Variants in PTER observed in about 807,000 individuals in gnomAD.
PTER encodes phosphotriesterase related.
A neutral mutation model predicts 29.6 loss-of-function variants in PTER; 38 were observed. The observed-to-expected ratio is 1.28, with a 90% confidence interval of 0.99 to 1.68. The LOEUF is 1.68. PTER is among the 40% of genes most tolerant of loss of function. The probability of loss-of-function intolerance (pLI) is 0.00; values close to 1 mark genes in which losing one functional copy is unlikely to be tolerated. For missense variants in PTER, 482 were observed against 427.8 expected (o/e 1.13, Z -1.12); for synonymous variants, 172 against 154.5 (o/e 1.11, Z -0.84).
At chr10:16,478,333 C>T (rs2133435460) in intron 1 of PTER, among the ~76,000 whole-genome samples, 1 of 133,122 alleles carries the variant, frequency 7.5e-6, no homozygotes, top group South Asian at 2.6e-4. Context: ...TCCCTCGTTT[C>T]CGTTTTTTTT....
At chr10:16,485,589 T>A (rs781306398) in intron 2 of PTER, among the ~76,000 whole-genome samples, 14 of 152,202 alleles carry the variant, frequency 9.2e-5, no homozygotes, top group Non-Finnish European at 1.9e-4. Context: ...TATTTCAAAA[T>A]TTTTTCTGCA....
chr10:16,487,680 G>A (rs1835754687), intron 3 of PTER, among the ~76,000 whole-genome samples: 1 of 152,152 alleles, frequency 6.6e-6, no homozygotes, highest in Admixed American at 6.5e-5. Context: ...GCCAGCTGCT[G>A]TTAATTTTAT....
intron 4 of PTER, among the ~76,000 whole-genome samples, chr10:16,508,133 A>T (rs1836657252): frequency 6.8e-6 from 1 of 147,086 alleles, no homozygotes; most frequent in South Asian, 2.1e-4. Context: ...CAGTGGCGCA[A>T]TCTCACCTCA....
At position 16,512,177 on chromosome 10, in the gene PTER, A is replaced by T. The variant is rs531545346; in HGVS notation, c.*921A>T. On this transcript the variant is annotated 3_prime_UTR_variant, in exon 5 of 5. Coordinates refer to ENST00000535784, the MANE Select transcript of PTER (RefSeq NM_001261836.2). ...CTTATGTATCTGAAGAAAAGGTCAG[A>T]TCTATTGGAAATGACAGCCCGATAC... is the stretch of plus-strand genomic sequence containing the variant. The T allele has an allele frequency of 6.6e-6, 1 of 152,316 alleles. No homozygotes were observed. The highest frequency in any genetic ancestry group is 2.1e-4 in the South Asian group (1 of 4,834). 9.4% of individuals were successfully genotyped at this position (152,316 alleles called of 1,614,324 possible). A position where few individuals can be genotyped will look rare whatever the true frequency, so the allele number is the denominator to read the frequency against.
chr10:16,508,586 C>A (rs894250162), intron 4 of PTER, among the ~76,000 whole-genome samples: 1 of 152,098 alleles, frequency 6.6e-6, no homozygotes, highest in African/African-American at 2.4e-5. Context: ...CCCAGCATTC[C>A]TTCTTAGCTC....
rs1418653139 is a variant in PTER at position 16,513,561 on chromosome 10, A to G, written c.*2305A>G. 1.3e-5 allele frequency: 2 copies of G among 152,506 alleles called. No homozygotes were observed. The highest frequency in any genetic ancestry group is 4.8e-5 in the African/African-American group (2 of 41,440). 9.4% of individuals were successfully genotyped at this position (152,506 alleles called of 1,614,324 possible). A position where few individuals can be genotyped will look rare whatever the true frequency, so the allele number is the denominator to read the frequency against. ...ATGCGAAATTGTTAATTTTAAAATA[A>G]CCTCAGGCCACAGACTTGTAGTAAT... On this transcript the variant is annotated 3_prime_UTR_variant, in exon 5 of 5. Coordinates refer to ENST00000535784, the MANE Select transcript of PTER (RefSeq NM_001261836.2).
intron 1 of PTER, among the ~76,000 whole-genome samples, chr10:16,479,590 CA>C (rs1835402556): frequency 6.6e-6 from 1 of 152,182 alleles, no homozygotes; most frequent in East Asian, 1.9e-4. Flanking sequence ...TGTAACACTT[CA>C]AAAAATAGAA....
At chr10:16,492,558 A>T (rs1485186558) in intron 3 of PTER, among the ~76,000 whole-genome samples, 1 of 152,204 alleles carries the variant, frequency 6.6e-6, no homozygotes, top group Admixed American at 6.5e-5. Context: ...AGGTATTTTT[A>T]TGACGACAAA....
chr10:16,506,555 A>T (rs901518154), intron 4 of PTER, among the ~76,000 whole-genome samples: 1 of 152,210 alleles, frequency 6.6e-6, no homozygotes, highest in Non-Finnish European at 1.5e-5. Context: ...GATAAGAAAT[A>T]TAGAGCAAGG....
intron 1 of PTER, among the ~76,000 whole-genome samples, chr10:16,456,054 C>T (rs1343509883): frequency 2.6e-5 from 4 of 152,178 alleles, no homozygotes; most frequent in Non-Finnish European, 5.9e-5. Context: ...TGTGATTTGC[C>T]ATAACCAAGA....
chr10:16,455,626 A>T (rs998706980), intron 1 of PTER, among the ~76,000 whole-genome samples: 1 of 152,088 alleles, frequency 6.6e-6, no homozygotes, highest in African/African-American at 2.4e-5. Flanking sequence ...GGGAGGCTGA[A>T]GCTGCAGTGA....
intron 3 of PTER, among the ~76,000 whole-genome samples, chr10:16,502,963 T>TGGGCGAC (rs1474101082): frequency 1.2e-4 from 14 of 112,638 alleles, no homozygotes; most frequent in African/African-American, 4.8e-4. Context: ...CACTCCAGCC[T>TGGGCGAC]GGGCGACAGA....
chr10:16,494,493 C>T lies in PTER; in HGVS notation c.698+7876C>T, dbSNP rs548382198. Among the ~76,000 whole-genome samples the T allele has an allele frequency of 5.3e-5, 8 of 152,284 alleles. No homozygotes were observed. The South Asian group carries it at 1.7e-3, about 32-fold the overall frequency. On this transcript the variant is annotated intron_variant, in intron 3 of 4. Transcript: ENST00000535784. ...TAGCATACTGAATTATTTTATTTTTCATTCCCAGTTATTCTCCAATATCAA... is the reference window on the plus strand; with the variant it reads ...TAGCATACTGAATTATTTTATTTTTTATTCCCAGTTATTCTCCAATATCAA...
chr10:16,470,371 CTG>C (rs1835000930), intron 1 of PTER, among the ~76,000 whole-genome samples: 1 of 152,226 alleles, frequency 6.6e-6, no homozygotes, highest in African/African-American at 2.4e-5. Flanking sequence ...TAGACCTTAC[CTG>C]CCTCGAATAA....
chr10:16,510,520 C>T (rs1836771021), intron 4 of PTER, among the ~76,000 whole-genome samples: 2 of 152,204 alleles, frequency 1.3e-5, no homozygotes, highest in South Asian at 2.1e-4. Flanking sequence ...AAATGCCCCT[C>T]ACTTGCAGAC....
intron 1 of PTER, among the ~76,000 whole-genome samples, chr10:16,484,058 G>A (rs1411022759): frequency 6.6e-6 from 1 of 152,116 alleles, no homozygotes; most frequent in Non-Finnish European, 1.5e-5. Context: ...AAAGTGAACT[G>A]AATATCAAAG....
chr10:16,492,896 A>T lies in PTER; in HGVS notation c.698+6279A>T, dbSNP rs556984646. On this transcript the variant is annotated intron_variant, in intron 3 of 4. Coordinates refer to ENST00000535784, the MANE Select transcript of PTER (RefSeq NM_001261836.2). ...AGGGAAACATTTAGGGAACTGGCCGACAGCACATTTTATTCCCTTTGCCTC... is the reference window on the plus strand; with the variant it reads ...AGGGAAACATTTAGGGAACTGGCCGTCAGCACATTTTATTCCCTTTGCCTC... Among the ~76,000 whole-genome samples, 3 of 152,348 alleles carry T rather than the reference A, an allele frequency of 2.0e-5. No homozygotes were observed. In the East Asian group the frequency reaches 5.8e-4, roughly 29 times the overall value.
chr10:16,515,278 A>G (rs1836933192), downstream of PTER, among the ~76,000 whole-genome samples: 1 of 151,782 alleles, frequency 6.6e-6, no homozygotes, highest in African/African-American at 2.4e-5. Context: ...AATCTAATTC[A>G]TGTAAAGCCC....
intron 1 of PTER, among the ~76,000 whole-genome samples, chr10:16,474,532 C>A (rs115978187): frequency 1.3e-5 from 2 of 152,054 alleles, no homozygotes; most frequent in Admixed American, 6.6e-5. Flanking sequence ...TGCTGTGTAA[C>A]AAACCACCTA....
Sources: gnomAD v4.1 joint callset for allele counts (sites outside exome capture counted in the v4.1 genomes callset) on GRCh38, gnomAD v4.1.1 for gene constraint, MANE v1.5 for transcripts, NCBI Gene and HGNC (gene_info 2026-07-23, HGNC 2026-07-21) for gene names.